SLC2A9: variants seen among roughly 807,000 people sequenced by gnomAD.
SLC2A9 encodes the protein solute carrier family 2, facilitated glucose transporter member 9.
SLC2A9 carries 39 observed loss-of-function variants against 50.6 expected under a neutral mutation model. That is an observed-to-expected ratio of 0.77 (90% CI 0.60 to 1.01). The LOEUF is 1.01. Ranked by LOEUF, SLC2A9 falls within the 50% of genes least tolerant of loss-of-function variation. The probability of loss-of-function intolerance (pLI) is 0.00; values close to 1 mark genes in which losing one functional copy is unlikely to be tolerated. For missense variants in SLC2A9, 686 were observed against 677.6 expected (o/e 1.01, Z -0.14); for synonymous variants, 324 against 276.9 (o/e 1.17, Z -1.69).
At chr4:9,991,180 C>T (rs1218789461) in intron 3 of SLC2A9, among the ~76,000 whole-genome samples, 1 of 152,162 alleles carries the variant, frequency 6.6e-6, no homozygotes, top group Non-Finnish European at 1.5e-5. Context: ...TTGCCTGGCT[C>T]CTTCCCCTGC....
chr4:9,883,042 G>A (rs1488608595), intron 10 of SLC2A9, among the ~76,000 whole-genome samples: 2 of 152,116 alleles, frequency 1.3e-5, no homozygotes, highest in African/African-American at 4.8e-5. Context: ...TTTCATGGAA[G>A]TGATGCATGT....
At chr4:9,842,388 G>T (rs1728220533) in intron 10 of SLC2A9, among the ~76,000 whole-genome samples, 1 of 152,192 alleles carries the variant, frequency 6.6e-6, no homozygotes, top group South Asian at 2.1e-4. Flanking sequence ...TTAAAATTCT[G>T]TGGTTTGCGA....
At chr4:9,980,001 A>T (rs882223) in intron 5 of SLC2A9, among the ~76,000 whole-genome samples, 12 of 149,920 alleles carry the variant, frequency 8.0e-5, no homozygotes, top group Admixed American at 3.3e-4. Flanking sequence ...GCCTTCCTTG[A>T]GTTTACCCCA....
chr4:9,951,508 A>T (rs1474313134), intron 5 of SLC2A9, among the ~76,000 whole-genome samples: 1 of 152,238 alleles, frequency 6.6e-6, no homozygotes, highest in Non-Finnish European at 1.5e-5. Flanking sequence ...GTGTAACAAA[A>T]TTTCACACAT....
intron 10 of SLC2A9, chr4:9,879,737 GCA>G: frequency 1.0e-6 from 1 of 985,388 alleles, no homozygotes; most frequent in African/African-American, 1.7e-5. Flanking sequence ...TTGGTGCCAG[GCA>G]CAGAGTCAGG....
At position 9,920,501 on chromosome 4, in the gene SLC2A9, G is replaced by A; in HGVS notation, c.886C>T (p.Gln296Ter). ...VEEVLAESRV[Q>*]RSIRLVSVLE... ...ACGGACACCAGGCGGATGCTCCTCT[G>A]CACGCGGCTCTCAGCCAGGACCTCC... is the stretch of plus-strand genomic sequence containing the variant. Residue 296 changes from glutamine (Q) to a stop codon, truncating the protein, a stop_gained, in exon 7 of 12, where the codon CAG (glutamine) becomes TAG (stop). Transcript: ENST00000264784. LOFTEE classifies it high-confidence loss of function. 6.2e-7 allele frequency: 1 copy of A among 1,614,174 alleles called. No homozygotes were observed. Among genetic ancestry groups the A allele is most frequent in the Non-Finnish European group, 8.5e-7 (1 of 1,180,038 alleles).
chr4:9,823,707 CT>C (rs1464360499), downstream of SLC2A9, among the ~76,000 whole-genome samples: 6 of 152,148 alleles, frequency 3.9e-5, no homozygotes, highest in African/African-American at 1.4e-4. Flanking sequence ...TGAAAAACAA[CT>C]TTATACATGA....
chr4:9,912,392 G>A (rs555013623), intron 7 of SLC2A9, among the ~76,000 whole-genome samples: 1 of 152,266 alleles, frequency 6.6e-6, no homozygotes, highest in African/African-American at 2.4e-5. Context: ...TTGTGGGATG[G>A]GGCTTTGAAG....
chr4:9,884,793 G>C (rs545697889), intron 10 of SLC2A9, among the ~76,000 whole-genome samples: 1 of 152,110 alleles, frequency 6.6e-6, no homozygotes, highest in African/African-American at 2.4e-5. Context: ...TGATAGACTG[G>C]ATAAAGAAAA....
chr4:9,841,033 A>C (rs1431620848), intron 10 of SLC2A9, among the ~76,000 whole-genome samples: 2 of 152,156 alleles, frequency 1.3e-5, no homozygotes, highest in Non-Finnish European at 2.9e-5. Flanking sequence ...ATCACCTCCT[A>C]CAAGTCCCTC....
At chr4:9,913,892 CCT>C (rs1183516346) in intron 7 of SLC2A9, among the ~76,000 whole-genome samples, 1 of 152,210 alleles carries the variant, frequency 6.6e-6, no homozygotes, top group Non-Finnish European at 1.5e-5. Context: ...GGTTCTTGTG[CCT>C]CTCTCTGTCT....
intron 10 of SLC2A9, among the ~76,000 whole-genome samples, chr4:9,835,958 A>T (rs1727007369): frequency 6.6e-6 from 1 of 151,826 alleles, no homozygotes. Flanking sequence ...GTGGTGGTGC[A>T]TGCTTGTTAT....
In SLC2A9 at chr4:9,887,625, G is replaced by C; in HGVS notation, c.1233C>G (p.Val411=). 6.4e-7 allele frequency: 1 copy of C among 1,556,490 alleles called. No individual in the cohort carries two copies. The highest frequency in any genetic ancestry group is 8.7e-7 in the Non-Finnish European group (1 of 1,149,538). ...GAATGCCCACGATACTCAGGTAGGG[G>C]ACCCAGGGGGCGTGGTCCTGGGAGA... ...TLTLQDHAPW[V]PYLSIVGILA... Residue 411 remains valine (V), a synonymous_variant, in exon 10 of 12, where the codon GTC becomes GTG. Coordinates refer to ENST00000264784, the MANE Select transcript of SLC2A9 (RefSeq NM_020041.3).
At chr4:9,815,806 G>C (rs1303324850) in intron 3 of SLC2A9, among the ~76,000 whole-genome samples, 1 of 152,134 alleles carries the variant, frequency 6.6e-6, no homozygotes, top group Non-Finnish European at 1.5e-5. Context: ...GTCTAAGCAA[G>C]GTAATGGCTA....
At chr4:10,018,825 C>T in intron 2 of SLC2A9, 150 bp downstream of exon 2, 1 of 718,902 alleles carries the variant, frequency 1.4e-6, no homozygotes, top group South Asian at 1.8e-5. Flanking sequence ...CTGTGCCTCC[C>T]CTCTCCCCCG....
Position 9,783,934 on chromosome 4 carries a change from G to T in SLC2A9, n.386-3869C>A, listed in dbSNP as rs185764800. 3.5e-4 allele frequency: 61 copies of T among 171,846 alleles called. 1 individual carries two copies. In the East Asian group the frequency reaches 8.9e-3, roughly 25 times the overall value. The allele number at this position is 171,846 out of a possible 1,614,324, so 10.6% of individuals were successfully genotyped here. ...TTATGTCATTTCTTCTCTCTGTGCTGGTGGGGGCCTCTTTACCATAGCTTA... is the reference window on the plus strand; with the variant it reads ...TTATGTCATTTCTTCTCTCTGTGCTTGTGGGGGCCTCTTTACCATAGCTTA... On this transcript the variant is annotated intron_variant and non_coding_transcript_variant, in intron 3 of 3. Coordinates refer to the SLC2A9 transcript ENST00000503803.
intron 3 of SLC2A9, among the ~76,000 whole-genome samples, chr4:9,819,335 C>T (rs1724084108): frequency 6.6e-6 from 1 of 152,110 alleles, no homozygotes. Flanking sequence ...AAATTCTTGC[C>T]AACACTTGGT....
intron 3 of SLC2A9, among the ~76,000 whole-genome samples, chr4:9,815,265 C>T (rs1312639679): frequency 6.6e-6 from 1 of 152,224 alleles, no homozygotes; most frequent in Non-Finnish European, 1.5e-5. Flanking sequence ...CTCCTTTAAC[C>T]TGGAGGCACC....
chr4:9,783,063 T>G, intron 3 of SLC2A9: 8 of 1,614,204 alleles, frequency 5.0e-6, no homozygotes, highest in Non-Finnish European at 5.9e-6. Flanking sequence ...GACGTCTTCG[T>G]CTGGTTCGGC....
Sources: gnomAD v4.1 joint callset for allele counts (sites outside exome capture counted in the v4.1 genomes callset) on GRCh38, gnomAD v4.1.1 for gene constraint, MANE v1.5 for transcripts, NCBI Gene and HGNC (gene_info 2026-07-23, HGNC 2026-07-21) for gene names.